Variants in KIFAP3 observed in about 807,000 individuals in gnomAD.
KIFAP3 encodes kinesin associated protein 3, also known as kinesin-associated protein 3.
KIFAP3 carries 68 observed loss-of-function variants against 106.5 expected under a neutral mutation model. That is an observed-to-expected ratio of 0.64 (90% CI 0.53 to 0.78). The LOEUF (loss-of-function observed/expected upper bound fraction) is 0.78, where lower values mean the gene tolerates loss of function less well. Among genes scored for constraint, KIFAP3 ranks in the 30% least tolerant of loss-of-function variants. KIFAP3 has a pLI of 0.00. For missense variants in KIFAP3, 780 were observed against 941.8 expected, an observed-to-expected ratio of 0.83 and a Z score of 2.25; for synonymous variants, 320 against 311.5, an observed-to-expected ratio of 1.03 and a Z score of -0.29.
intron 19 of KIFAP3, among the ~76,000 whole-genome samples, chr1:169,945,544 C>T (rs1375998499): frequency 6.6e-6 from 1 of 152,238 alleles, no homozygotes; most frequent in Non-Finnish European, 1.5e-5. Flanking sequence ...CTGCTGCCAT[C>T]ACTAATAAAG....
intron 5 of KIFAP3, among the ~76,000 whole-genome samples, chr1:170,035,826 ATAAT>A (rs1334305323): frequency 3.3e-5 from 5 of 152,124 alleles, no homozygotes; most frequent in Non-Finnish European, 5.9e-5. Context: ...TGACAATAAA[ATAAT>A]TAAAAAGCCT....
intron 19 of KIFAP3, among the ~76,000 whole-genome samples, chr1:169,933,916 A>G (rs79933851): frequency 0.048 from 7,361 of 152,176 alleles, 530 homozygotes; most frequent in African/African-American, 0.16. Context: ...TTTTCAGTCT[A>G]TATCTGTAAC....
At chr1:169,942,908 A>AC (rs1384389570) in intron 19 of KIFAP3, among the ~76,000 whole-genome samples, 10 of 26,806 alleles carry the variant, frequency 3.7e-4, no homozygotes, top group East Asian at 2.4e-3. Context: ...AGTTTTAAAG[A>AC]CGCCCCCCCC....
chr1:170,074,296 C>G, intron 1 of KIFAP3, 140 bp downstream of exon 1: 2 of 1,018,246 alleles, frequency 2.0e-6, no homozygotes, highest in South Asian at 3.0e-5. Context: ...CACCTTTTCC[C>G]TCTCCTTTCG....
At chr1:170,025,129 A>C (rs1669041641) in intron 8 of KIFAP3, among the ~76,000 whole-genome samples, 1 of 152,166 alleles carries the variant, frequency 6.6e-6, no homozygotes, top group Admixed American at 6.5e-5. Flanking sequence ...GTTAGTCACT[A>C]TAAGAAAAGA....
intron 19 of KIFAP3, among the ~76,000 whole-genome samples, chr1:169,924,183 C>G (rs907944050): frequency 1.3e-5 from 2 of 151,910 alleles, no homozygotes; most frequent in African/African-American, 4.8e-5. Flanking sequence ...ACCTGCAGTC[C>G]CAAGTCAGTG....
At position 170,040,006 on chromosome 1, in the gene KIFAP3, AAAGT is replaced by A. The variant is rs918347241; in HGVS notation, c.320-722_320-719del. ...TAAGTCTAAGTAATGTATGTAAATT[AAAGT>A]AAGTTAGAATGTTATCAAAATTTTT... is the stretch of plus-strand genomic sequence containing the variant. On this transcript the variant is annotated intron_variant, in intron 3 of 19. Transcript: ENST00000361580. 4.1e-4 allele frequency among the ~76,000 whole-genome samples: 63 copies of A among 152,258 alleles called. 1 individual carries two copies. Among genetic ancestry groups the A allele is most frequent in the African/African-American group, 1.5e-3 (61 of 41,576 alleles).
intron 19 of KIFAP3, among the ~76,000 whole-genome samples, chr1:169,949,235 GA>G (rs78059007): frequency 6.6e-6 from 1 of 151,688 alleles, no homozygotes; most frequent in East Asian, 1.9e-4. Context: ...AGTACTCTAA[GA>G]AAAGAAAAAG....
chr1:169,981,596 A>G (rs1666527069), intron 15 of KIFAP3, among the ~76,000 whole-genome samples: 1 of 151,768 alleles, frequency 6.6e-6, no homozygotes, highest in African/African-American at 2.4e-5. Flanking sequence ...GTATGTTTAG[A>G]AAAAAAAAGT....
intron 9 of KIFAP3, among the ~76,000 whole-genome samples, chr1:170,023,788 T>C (rs4656731): frequency 0.1 from 15,799 of 152,114 alleles, 975 homozygotes; most frequent in Admixed American, 0.18. Context: ...CAACTTGTAT[T>C]TTCCAAGGAT....
In KIFAP3 at chr1:170,038,424, T is replaced by G. The variant is rs1669797129; in HGVS notation, c.383A>C (p.Glu128Ala). Residue 128 changes from glutamate (E) to alanine (A), a missense_variant, in exon 5 of 20, where the codon GAA becomes GCA. Around this residue, in one of 3 missense-constraint regions of KIFAP3, gnomAD observed 588 missense variants for 678.9 expected, o/e 0.87. Coordinates refer to ENST00000361580, the MANE Select transcript of KIFAP3 (RefSeq NM_014970.4). ...ATCCATGTCATTAATGTTAGCAACT[T>G]CATCAATCTGAAACAAAGAGGCAGA... ...PPPFEGMEID[E>A]VANINDMDEY... is the part of the protein sequence containing the mutation. 6.2e-7 allele frequency: 1 copy of G among 1,605,108 alleles called. No individual in the cohort carries two copies. The highest frequency in any genetic ancestry group is 1.1e-5 in the South Asian group (1 of 88,878).
At chr1:169,998,200 G>A (rs1383889190) in intron 10 of KIFAP3, among the ~76,000 whole-genome samples, 1 of 151,918 alleles carries the variant, frequency 6.6e-6, no homozygotes, top group Non-Finnish European at 1.5e-5. Context: ...TCAAGCAGAC[G>A]AAAGAACAGA....
At chr1:169,964,296 GAA>G (rs1571570424) in intron 17 of KIFAP3, among the ~76,000 whole-genome samples, 1 of 152,188 alleles carries the variant, frequency 6.6e-6, no homozygotes, top group East Asian at 1.9e-4. Context: ...TTACAAATGA[GAA>G]AATGAGGCCC....
intron 7 of KIFAP3, 138 bp from the exon 8 acceptor site, chr1:170,032,122 G>T (rs561392393): frequency 3.5e-6 from 2 of 575,656 alleles, no homozygotes; most frequent in South Asian, 4.7e-5. Context: ...TAACTAAAAT[G>T]TTATCTGCAT....
At chr1:169,991,684 T>A (rs1667114475) in intron 11 of KIFAP3, among the ~76,000 whole-genome samples, 2 of 152,130 alleles carry the variant, frequency 1.3e-5, no homozygotes, top group African/African-American at 2.4e-5. Flanking sequence ...CATTTACAAA[T>A]ATGATATCTC....
At chr1:170,022,633 A>T (rs372705589) in intron 9 of KIFAP3, among the ~76,000 whole-genome samples, 14 of 152,274 alleles carry the variant, frequency 9.2e-5, no homozygotes, top group Admixed American at 5.9e-4. Flanking sequence ...AAAAATCTTG[A>T]TTCTACAGAT....
intron 7 of KIFAP3, 46 bp downstream of exon 7, chr1:170,034,326 A>G (rs774293679): frequency 3.5e-5 from 54 of 1,564,974 alleles, no homozygotes; most frequent in Middle Eastern, 1.7e-4. Context: ...TCCAAAACTT[A>G]AAGCAAAAGA....
At chr1:169,968,720 AG>A (rs1665757602) in intron 17 of KIFAP3, among the ~76,000 whole-genome samples, 1 of 151,874 alleles carries the variant, frequency 6.6e-6, no homozygotes, top group Admixed American at 6.6e-5. Context: ...GTTGACCTTT[AG>A]TCTTGACCAC....
chr1:169,955,349 C>T (rs1040118234), intron 18 of KIFAP3, among the ~76,000 whole-genome samples: 22 of 151,992 alleles, frequency 1.4e-4, no homozygotes, highest in Admixed American at 6.5e-5. Flanking sequence ...ATAAGACAAA[C>T]ACTTAAGATG....
Sources: allele counts gnomAD v4.1 joint callset (sites outside exome capture counted in the v4.1 genomes callset), GRCh38; gene constraint gnomAD v4.1.1; regional missense constraint gnomAD v4.1.1; transcripts MANE v1.5; gene names NCBI Gene and HGNC (gene_info 2026-07-23, HGNC 2026-07-21).